ZNF75D: variants seen among roughly 807,000 people sequenced by gnomAD.
The protein encoded by ZNF75D is zinc finger protein 75.
A neutral mutation model predicts 33.3 loss-of-function variants in ZNF75D; 33 were observed. The observed-to-expected ratio is 0.99, with a 90% CI of 0.75 to 1.32. ZNF75D has a LOEUF of 1.32. Among genes scored for constraint, ZNF75D ranks in the 40% most tolerant of loss-of-function variants. ZNF75D has a pLI of 0.00. For missense variants in ZNF75D, 338 were observed against 367.5 expected (o/e 0.92, Z 0.66); for synonymous variants, 113 against 130.6 (o/e 0.87, Z 0.92).
At chrX:135,269,903 T>C (rs906257241) in intron 1 of ZNF75D, among the ~76,000 whole-genome samples, 2 of 111,927 alleles carry the variant, frequency 1.8e-5, no homozygotes, top group African/African-American at 6.5e-5. Flanking sequence ...AATGGATTAC[T>C]ATTCAGTCAT....
At chrX:135,273,349 C>T (rs1466283375) in intron 1 of ZNF75D, among the ~76,000 whole-genome samples, 2 of 111,151 alleles carry the variant, frequency 1.8e-5, no homozygotes, top group East Asian at 2.8e-4. Flanking sequence ...CAGCTCAGGG[C>T]GAACTCACAC....
chrX:135,260,236 G>A (rs1441258155), intron 1 of ZNF75D, among the ~76,000 whole-genome samples: 2 of 112,059 alleles, frequency 1.8e-5, no homozygotes, highest in South Asian at 7.5e-4. Context: ...GTTCATCAGG[G>A]ATATTGGTCT....
At chrX:135,316,395 G>A (rs1411008580) in intron 1 of ZNF75D, among the ~76,000 whole-genome samples, 1 of 111,054 alleles carries the variant, frequency 9.0e-6, no homozygotes, top group Non-Finnish European at 1.9e-5. Context: ...GTCTCATAAG[G>A]GTTCCTTTAT....
rs781965991 is a variant in ZNF75D, at chrX:135,287,819, T to C, written c.851A>G (p.Asn284Ser). Reference sequence around the variant, plus strand: ...TGTAGAAACAGATATAGGATGATCATTTCCAGTGTCATTTTTTAGCTTTAA... The same window carrying C: ...TGTAGAAACAGATATAGGATGATCACTTCCAGTGTCATTTTTTAGCTTTAA... ...LGLKLKNDTG[N>S]DHPISVSTSE... Residue 284 changes from asparagine (N) to serine (S), a missense_variant, in exon 7 of 7, where the codon AAT becomes AGT. Coordinates refer to ENST00000370766, the MANE Select transcript of ZNF75D (RefSeq NM_007131.5). 3 of 1,206,898 alleles carry C rather than the reference T, an allele frequency of 2.5e-6. No homozygotes were observed. Among genetic ancestry groups the C allele is most frequent in the East Asian group, 3.0e-5 (1 of 33,851 alleles).
At chrX:135,249,135 G>A (rs1250873243) in exon 4 of ZNF75D, 1 of 323,600 alleles carries the variant, frequency 3.1e-6, no homozygotes, top group African/African-American at 2.7e-5. Context: ...GCTGTCTACT[G>A]AGTAAAACGC....
At chrX:135,259,846 G>A (rs782195924) in intron 1 of ZNF75D, among the ~76,000 whole-genome samples, 1 of 112,101 alleles carries the variant, frequency 8.9e-6, no homozygotes, top group South Asian at 3.8e-4. Flanking sequence ...TAGGAGTGGT[G>A]AGAAAGGGCA....
chrX:135,339,965 T>C (rs1371695354), intron 1 of ZNF75D, among the ~76,000 whole-genome samples: 1 of 112,510 alleles, frequency 8.9e-6, no homozygotes, highest in African/African-American at 3.2e-5. Flanking sequence ...ACTTAAACAG[T>C]GATAGGAAGA....
chrX:135,307,445 C>T (rs1401675871), intron 1 of ZNF75D, among the ~76,000 whole-genome samples: 3 of 111,573 alleles, frequency 2.7e-5, no homozygotes, highest in African/African-American at 9.8e-5. Context: ...AATCACAAAG[C>T]CCTGTCCTCA....
At chrX:135,334,286 A>T (rs1339355435) in intron 1 of ZNF75D, among the ~76,000 whole-genome samples, 1 of 110,268 alleles carries the variant, frequency 9.1e-6, no homozygotes, top group Non-Finnish European at 1.9e-5. Context: ...GTAGAGAGTG[A>T]CCCTTCCCTG....
chrX:135,264,036 A>G (rs1444572131), intron 1 of ZNF75D, among the ~76,000 whole-genome samples: 2 of 111,903 alleles, frequency 1.8e-5, no homozygotes, highest in African/African-American at 6.5e-5. Context: ...ATGGTGTGTT[A>G]GTTCATTTTC....
rs1602599740 is a variant in ZNF75D at position 135,288,615 on chromosome X, G to A, written c.824-769C>T. On this transcript the variant is annotated intron_variant, in intron 6 of 6. Coordinates refer to ENST00000370766, the MANE Select transcript of ZNF75D (RefSeq NM_007131.5). The stretch of plus-strand genomic sequence containing the variant: ...AAAAGGAAATGTATTTAAGTATCGA[G>A]ATGTTCAAAGGAAAGAGTAAAAAGT... Among the ~76,000 whole-genome samples the A allele has an allele frequency of 4.4e-5, 5 of 112,498 alleles. No homozygotes were observed. The South Asian group carries it at 1.8e-3, about 41-fold the overall frequency.
chrX:135,320,065 C>A (rs1267464887), intron 1 of ZNF75D, among the ~76,000 whole-genome samples: 2 of 111,995 alleles, frequency 1.8e-5, no homozygotes, highest in African/African-American at 6.5e-5. Context: ...GAGGCCAAGG[C>A]AGGCAGGCCA....
At chrX:135,328,245 G>T (rs1242022940) in intron 1 of ZNF75D, among the ~76,000 whole-genome samples, 1 of 111,576 alleles carries the variant, frequency 9.0e-6, no homozygotes, top group African/African-American at 3.3e-5. Flanking sequence ...AAAGTGGGAC[G>T]TTTGTGACCC....
At chrX:135,335,203 G>A (rs940514314) in intron 1 of ZNF75D, among the ~76,000 whole-genome samples, 4 of 111,616 alleles carry the variant, frequency 3.6e-5, no homozygotes, top group Non-Finnish European at 7.5e-5. Flanking sequence ...AAGTTTGAGA[G>A]GAGGTAGACT....
chrX:135,287,626 A>T lies in ZNF75D; in HGVS notation c.1044T>A (p.Leu348=). Residue 348 remains leucine (L), a synonymous_variant, in exon 7 of 7, where the codon CTT becomes CTA. Transcript: ENST00000370766. ...RKKPATCKQE[L]PKLMDLHGKG... ...TCCCATGAAGATCCATAAGTTTTGG[A>T]AGCTCTTGTTTACAAGTTGCAGGTT... 3 of 1,211,236 alleles carry T rather than the reference A, an allele frequency of 2.5e-6. No individual in the cohort carries two copies. The highest frequency in any genetic ancestry group is 3.4e-6 in the Non-Finnish European group (3 of 895,422).
At chrX:135,279,898 T>C (rs7884595) in intron 1 of ZNF75D, among the ~76,000 whole-genome samples, 25,371 of 110,983 alleles carry the variant, frequency 0.23, 2,817 homozygotes, top group Non-Finnish European at 0.34. Flanking sequence ...GTATTTTACT[T>C]CCAATTGTGT....
intron 1 of ZNF75D, among the ~76,000 whole-genome samples, chrX:135,257,588 A>G (rs1229409656): frequency 1.8e-5 from 2 of 112,780 alleles, no homozygotes; most frequent in Non-Finnish European, 3.8e-5. Context: ...ACCTGGGGGA[A>G]CTCCCTGCCT....
At position 135,286,909 on chromosome X, in the gene ZNF75D, A is replaced by G. The variant is rs2083961473; in HGVS notation, c.*228T>C. Reference sequence around the variant, plus strand: ...GATAGATAGCTAAAGGAATCTCATCACTACACTTTCATTTTTTTATTTATA... The same window carrying G: ...GATAGATAGCTAAAGGAATCTCATCGCTACACTTTCATTTTTTTATTTATA... On this transcript the variant is annotated 3_prime_UTR_variant, in exon 7 of 7. Transcript: ENST00000370766. The G allele has an allele frequency of 5.1e-6, 2 of 395,271 alleles. No individual in the cohort carries two copies. Among genetic ancestry groups the G allele is most frequent in the African/African-American group, 5.2e-5 (2 of 38,541 alleles). 32.6% of individuals were successfully genotyped at this position (395,271 alleles called of 1,213,427 possible).
chrX:135,334,559 C>T (rs782519733), intron 1 of ZNF75D, among the ~76,000 whole-genome samples: 1 of 111,847 alleles, frequency 8.9e-6, no homozygotes, highest in African/African-American at 3.2e-5. Flanking sequence ...GGAAAAGGAA[C>T]AGGAACAAGA....
Sources: allele counts gnomAD v4.1 joint callset (sites outside exome capture counted in the v4.1 genomes callset), GRCh38; gene constraint gnomAD v4.1.1; transcripts MANE v1.5; gene names NCBI Gene and HGNC (gene_info 2026-07-23, HGNC 2026-07-21).